TGFBR1: variants seen among roughly 807,000 people sequenced by gnomAD.
The protein encoded by TGFBR1 is TGF-beta receptor type-1.
Under a neutral mutation model 55.1 loss-of-function variants are expected in TGFBR1, and 20 were observed. The ratio of observed to expected loss-of-function variants is 0.36; its 90% CI spans 0.26 to 0.53. The LOEUF (loss-of-function observed/expected upper bound fraction) is 0.53. TGFBR1 is among the 20% of genes least tolerant of loss of function. The probability of loss-of-function intolerance (pLI) is 0.91; values close to 1 mark genes in which losing one functional copy is unlikely to be tolerated. For synonymous variants in TGFBR1, 220 were observed against 214.8 expected (o/e 1.02, Z -0.21); for missense variants, 385 against 617.6 (o/e 0.62, Z 3.99).
chr9:99,128,083 T>C (rs1827091596), intron 1 of TGFBR1: 1 of 447,264 alleles, frequency 2.2e-6, no homozygotes. Context: ...TGAGAAGGTG[T>C]TGGTGATAAT....
At chr9:99,132,216 A>G (rs1394163441) in intron 2 of TGFBR1, among the ~76,000 whole-genome samples, 1 of 152,148 alleles carries the variant, frequency 6.6e-6, no homozygotes, top group African/African-American at 2.4e-5. Flanking sequence ...ACCTGATGTG[A>G]TAAGTGGGGA....
At chr9:99,134,853 T>TATATATATATATATATA (rs1827384418) in intron 3 of TGFBR1, among the ~76,000 whole-genome samples, 5 of 117,858 alleles carry the variant, frequency 4.2e-5, no homozygotes, top group Non-Finnish European at 8.9e-5. Context: ...TATATATATA[T>TATATATATATATATATA]TTCTAGATCC....
intron 1 of TGFBR1, among the ~76,000 whole-genome samples, chr9:99,107,766 A>C (rs1287707631): frequency 6.6e-6 from 1 of 152,148 alleles, no homozygotes; most frequent in Non-Finnish European, 1.5e-5. Flanking sequence ...TGAGTATCCT[A>C]CCAGGGATCT....
At chr9:99,147,334 A>C (rs1385299693) in intron 7 of TGFBR1, among the ~76,000 whole-genome samples, 1 of 152,250 alleles carries the variant, frequency 6.6e-6, no homozygotes, top group Non-Finnish European at 1.5e-5. Context: ...GTGCACTTAC[A>C]GAATAGAATC....
rs565046906 is a variant in TGFBR1, at chr9:99,120,725, C to A, written c.98-8130C>A. On this transcript the variant is annotated intron_variant, in intron 1 of 8. Coordinates refer to ENST00000374994, the MANE Select transcript of TGFBR1 (RefSeq NM_004612.4). The stretch of plus-strand genomic sequence containing the variant: ...TGCAAGTTTAGATTTTTGCTCTCAC[C>A]TATTGTTTCCTCAGACAACTGTAAG... Among the ~76,000 whole-genome samples, 48 of 152,194 alleles carry A rather than the reference C, an allele frequency of 3.2e-4. No individual in the cohort carries two copies. In the South Asian group the frequency reaches 9.8e-3, roughly 31 times the overall value.
At chr9:99,110,032 T>C (rs770908119) in intron 1 of TGFBR1, among the ~76,000 whole-genome samples, 1 of 152,186 alleles carries the variant, frequency 6.6e-6, no homozygotes, top group African/African-American at 2.4e-5. Context: ...ATTTTATGTG[T>C]TTTGTTTGCT....
chr9:99,111,295 C>G (rs1420549975), intron 1 of TGFBR1, among the ~76,000 whole-genome samples: 1 of 55,154 alleles, frequency 1.8e-5, no homozygotes, highest in Non-Finnish European at 3.3e-5. Context: ...TGCACCCATG[C>G]TTTTTTTTTT....
chr9:99,140,820 T>C (rs1827593982), intron 4 of TGFBR1, among the ~76,000 whole-genome samples: 1 of 152,252 alleles, frequency 6.6e-6, no homozygotes, highest in Non-Finnish European at 1.5e-5. Context: ...GTCTGGATTT[T>C]GTCACATTCC....
chr9:99,140,550 A>T (rs1321584656), intron 4 of TGFBR1, among the ~76,000 whole-genome samples: 8 of 152,032 alleles, frequency 5.3e-5, no homozygotes, highest in Non-Finnish European at 1.2e-4. Flanking sequence ...CTTTATCACC[A>T]TTTATTTCCT....
At chr9:99,143,584 A>G (rs573335527) in intron 5 of TGFBR1, among the ~76,000 whole-genome samples, 123 of 152,252 alleles carry the variant, frequency 8.1e-4, no homozygotes, top group Non-Finnish European at 1.6e-3. Context: ...TACATACAGC[A>G]TAAGTGCTAG....
intron 6 of TGFBR1, 136 bp downstream of exon 6, chr9:99,145,024 T>C: frequency 3.0e-6 from 3 of 1,003,176 alleles, no homozygotes; most frequent in Non-Finnish European, 4.4e-6. Context: ...GAAGATCTCA[T>C]GGTCTTGCCT....
intron 3 of TGFBR1, among the ~76,000 whole-genome samples, chr9:99,135,840 A>T (rs1827421545): frequency 6.6e-6 from 1 of 151,342 alleles, no homozygotes; most frequent in Non-Finnish European, 1.5e-5. Flanking sequence ...TGTCTTTAGA[A>T]GAAAATTGTT....
At chr9:99,105,048 G>A, upstream of TGFBR1, 1 of 481,338 alleles carries the variant, frequency 2.1e-6, no homozygotes. Context: ...GGGCCGGCGG[G>A]AGCCCGGCAG....
chr9:99,125,721 T>C (rs1302884402), intron 1 of TGFBR1, among the ~76,000 whole-genome samples: 1 of 152,236 alleles, frequency 6.6e-6, no homozygotes, highest in African/African-American at 2.4e-5. Flanking sequence ...AGTGCCAGTG[T>C]TGAGACAGTG....
rs954911874 is a variant in TGFBR1, at chr9:99,119,156, T to C, written c.98-9699T>C. On this transcript the variant is annotated intron_variant, in intron 1 of 8. Transcript: ENST00000374994. ...ATTACTAACTGCCCAGGACCATCAG[T>C]TCATTTCTTCAACTGTGGCTCCAAC... is the stretch of plus-strand genomic sequence containing the variant. Among the ~76,000 whole-genome samples, 10 of 152,204 alleles carry C rather than the reference T, an allele frequency of 6.6e-5. 1 individual carries two copies. The highest frequency in any genetic ancestry group is 2.0e-4 in the Admixed American group (3 of 15,284).
At chr9:99,107,633 A>G (rs942754852) in intron 1 of TGFBR1, among the ~76,000 whole-genome samples, 2 of 152,070 alleles carry the variant, frequency 1.3e-5, no homozygotes, top group South Asian at 4.2e-4. Context: ...TTTCTCATCT[A>G]GGCTTTTCTA....
In TGFBR1 at chr9:99,122,408, G is replaced by C. The variant is rs372099087; in HGVS notation, c.98-6447G>C. 3.1e-4 allele frequency among the ~76,000 whole-genome samples: 47 copies of C among 152,128 alleles called. 2 individuals are homozygous for C. In the South Asian group the frequency reaches 9.3e-3, roughly 30 times the overall value. On this transcript the variant is annotated intron_variant, in intron 1 of 8. Coordinates refer to ENST00000374994, the MANE Select transcript of TGFBR1 (RefSeq NM_004612.4). ...TTGTGAATTAACCCTGGGTAGCCCT[G>C]GCATTAGATAGAATTAATAGTGCTT...
intron 7 of TGFBR1, 101 bp downstream of exon 7, chr9:99,146,710 C>T: frequency 6.4e-7 from 1 of 1,555,336 alleles, no homozygotes; most frequent in Non-Finnish European, 8.9e-7. Context: ...AGTCCATTAT[C>T]TGAAACAGGA....
chr9:99,113,677 G>T (rs1295892480), intron 1 of TGFBR1, among the ~76,000 whole-genome samples: 1 of 152,132 alleles, frequency 6.6e-6, no homozygotes, highest in African/African-American at 2.4e-5. Context: ...ACACCAGTAG[G>T]TGTTCAATAA....
Sources: allele counts gnomAD v4.1 joint callset (sites outside exome capture counted in the v4.1 genomes callset), GRCh38; gene constraint gnomAD v4.1.1; transcripts MANE v1.5; gene names NCBI Gene and HGNC (gene_info 2026-07-23, HGNC 2026-07-21).